Variants in MAP2K6 observed in about 807,000 individuals in gnomAD.
MAP2K6 encodes the protein dual specificity mitogen-activated protein kinase kinase 6.
A neutral mutation model predicts 53.7 loss-of-function variants in MAP2K6; 16 were observed. The observed-to-expected ratio is 0.30, with a 90% CI of 0.20 to 0.45. The LOEUF is 0.45. Ranked by LOEUF, MAP2K6 falls within the 20% of genes least tolerant of loss-of-function variation. The probability of loss-of-function intolerance (pLI) is 1.00; values close to 1 mark genes in which losing one functional copy is unlikely to be tolerated. For synonymous variants in MAP2K6, 132 were observed against 143.1 expected (o/e 0.92, Z 0.55); for missense variants, 204 against 411.9 (o/e 0.50, Z 4.37).
chr17:69,481,465 T>C (rs936889740), intron 1 of MAP2K6, among the ~76,000 whole-genome samples: 5 of 152,214 alleles, frequency 3.3e-5, no homozygotes, highest in Non-Finnish European at 7.3e-5. Context: ...GCTATGAACA[T>C]GGGTGTACAG....
At chr17:69,497,201 G>A (rs1908986037) in intron 1 of MAP2K6, among the ~76,000 whole-genome samples, 1 of 152,180 alleles carries the variant, frequency 6.6e-6, no homozygotes, top group African/African-American at 2.4e-5. Flanking sequence ...CAAAGGGCTT[G>A]CATTTTTAGT....
chr17:69,444,199 C>G (rs1342474261), intron 1 of MAP2K6, among the ~76,000 whole-genome samples: 1 of 152,174 alleles, frequency 6.6e-6, no homozygotes, highest in East Asian at 1.9e-4. Flanking sequence ...GGGATTCCCC[C>G]CTTTCATCCC....
rs749256460 is a variant in MAP2K6, at chr17:69,505,763, T to A, written c.17-17T>A. The A allele has an allele frequency of 1.1e-5, 18 of 1,610,636 alleles. No individual in the cohort carries two copies. Among genetic ancestry groups the A allele is most frequent in the Admixed American group, 1.7e-5 (1 of 59,978 alleles). On this transcript the variant is annotated splice_polypyrimidine_tract_variant and intron_variant, in intron 1 of 11. Coordinates refer to ENST00000590474, the MANE Select transcript of MAP2K6 (RefSeq NM_002758.4). The stretch of plus-strand genomic sequence containing the variant: ...ATGATTTAGTCCTTAACTTTTTCCT[T>A]TTGTCTTTCCCCATAGGCAAGAAGC...
chr17:69,483,157 CTG>C (rs1908408083), intron 1 of MAP2K6, among the ~76,000 whole-genome samples: 1 of 151,920 alleles, frequency 6.6e-6, no homozygotes, highest in African/African-American at 2.4e-5. Flanking sequence ...AAGATGATCT[CTG>C]TTTGTAGATA....
intron 1 of MAP2K6, among the ~76,000 whole-genome samples, chr17:69,475,186 T>TG (rs1186647094): frequency 6.9e-6 from 1 of 144,336 alleles, no homozygotes; most frequent in African/African-American, 2.6e-5. Flanking sequence ...TTTTTTTTTT[T>TG]GAGACGGAGT....
intron 1 of MAP2K6, among the ~76,000 whole-genome samples, chr17:69,463,801 T>A (rs1283999631): frequency 6.6e-6 from 1 of 151,996 alleles, no homozygotes; most frequent in Non-Finnish European, 1.5e-5. Flanking sequence ...GTGGATCACC[T>A]GAGGTCAGGA....
chr17:69,471,805 T>G (rs1907990725), intron 1 of MAP2K6, among the ~76,000 whole-genome samples: 1 of 152,226 alleles, frequency 6.6e-6, no homozygotes, highest in Admixed American at 6.5e-5. Flanking sequence ...GTAAAGTCTG[T>G]GAGAGAAAAG....
At chr17:69,532,160 A>G (rs756276697) in intron 10 of MAP2K6, among the ~76,000 whole-genome samples, 46 of 152,146 alleles carry the variant, frequency 3.0e-4, no homozygotes, top group African/African-American at 1.0e-3. Flanking sequence ...GGAAACTAGC[A>G]TAAAACACAG....
At chr17:69,469,214 G>T (rs1213392120) in intron 1 of MAP2K6, among the ~76,000 whole-genome samples, 2 of 152,192 alleles carry the variant, frequency 1.3e-5, no homozygotes, top group African/African-American at 2.4e-5. Context: ...AGCCTGCAAG[G>T]CTGGTCAAGT....
chr17:69,468,023 C>T (rs1907870880), intron 1 of MAP2K6, among the ~76,000 whole-genome samples: 1 of 152,228 alleles, frequency 6.6e-6, no homozygotes, highest in African/African-American at 2.4e-5. Flanking sequence ...GCCTTGGCCT[C>T]CCAAACTGCT....
At chr17:69,440,609 T>C (rs1906785049) in intron 1 of MAP2K6, among the ~76,000 whole-genome samples, 1 of 152,172 alleles carries the variant, frequency 6.6e-6, no homozygotes, top group Non-Finnish European at 1.5e-5. Flanking sequence ...GCCATTTTTT[T>C]TAAAAAAACA....
At chr17:69,426,399 C>A (rs191645506) in intron 1 of MAP2K6, among the ~76,000 whole-genome samples, 1 of 152,322 alleles carries the variant, frequency 6.6e-6, no homozygotes, top group African/African-American at 2.4e-5. Flanking sequence ...CATGCTTTGG[C>A]CAGTGCTTGG....
At chr17:69,489,298 G>A (rs1908659599) in intron 1 of MAP2K6, among the ~76,000 whole-genome samples, 1 of 151,480 alleles carries the variant, frequency 6.6e-6, no homozygotes, top group African/African-American at 2.4e-5. Flanking sequence ...GTGTATATGA[G>A]ACTACATGGA....
chr17:69,540,230 C>T (rs1043559090), intron 11 of MAP2K6, among the ~76,000 whole-genome samples: 1 of 152,118 alleles, frequency 6.6e-6, no homozygotes, highest in Admixed American at 6.5e-5. Context: ...AGCTGGGCAA[C>T]ATAAAGGTTG....
chr17:69,471,670 T>C (rs920200641), intron 1 of MAP2K6, among the ~76,000 whole-genome samples: 2 of 152,012 alleles, frequency 1.3e-5, no homozygotes, highest in African/African-American at 2.4e-5. Context: ...TCTAAAATAA[T>C]AGAATACAAT....
Position 69,524,985 on chromosome 17 carries a change from T to C in MAP2K6, c.741+7T>C. 6.2e-7 allele frequency: 1 copy of C among 1,606,848 alleles called. No individual in the cohort carries two copies. The highest frequency in any genetic ancestry group is 8.5e-7 in the Non-Finnish European group (1 of 1,173,666). On this transcript the variant is annotated splice_region_variant and intron_variant, in intron 9 of 11. Transcript: ENST00000590474. ...GAGTCTGGGCATCACGATGGTAGTG[T>C]ATGCCAATCATCATGAACTATGAGG...
intron 1 of MAP2K6, among the ~76,000 whole-genome samples, chr17:69,458,486 A>G (rs1907501216): frequency 6.6e-6 from 1 of 152,230 alleles, no homozygotes. Flanking sequence ...TAAGGACCAC[A>G]TTCCAGGGCA....
intron 1 of MAP2K6, among the ~76,000 whole-genome samples, chr17:69,478,944 C>G (rs1246567713): frequency 6.6e-6 from 1 of 152,094 alleles, no homozygotes; most frequent in African/African-American, 2.4e-5. Flanking sequence ...CAGGGGCGAA[C>G]TTCTCTTAGG....
chr17:69,450,686 T>A (rs964541340), intron 1 of MAP2K6, among the ~76,000 whole-genome samples: 7 of 152,018 alleles, frequency 4.6e-5, no homozygotes, highest in African/African-American at 1.7e-4. Flanking sequence ...AAAGTTGAGC[T>A]AGGAAGTGGG....
Sources: gnomAD v4.1 joint callset for allele counts (sites outside exome capture counted in the v4.1 genomes callset) on GRCh38, gnomAD v4.1.1 for gene constraint, MANE v1.5 for transcripts, NCBI Gene and HGNC (gene_info 2026-07-23, HGNC 2026-07-21) for gene names.